The following TRIM49 variants were observed in gnomAD, a reference collection of about 807,000 sequenced individuals.
TRIM49 encodes the protein tripartite motif-containing protein 49.
Under a neutral mutation model 27.4 loss-of-function variants are expected in TRIM49, and 5 were observed. The ratio of observed to expected loss-of-function variants is 0.18; its 90% CI spans 0.10 to 0.38. The LOEUF is 0.38. TRIM49 is among the 10% of genes least tolerant of loss of function. The probability of loss-of-function intolerance (pLI) is 1.00; values close to 1 mark genes in which losing one functional copy is unlikely to be tolerated. For synonymous variants in TRIM49, 69 were observed against 166.0 expected, an observed-to-expected ratio of 0.42 and a Z score of 4.49; for missense variants, 188 against 487.5, an observed-to-expected ratio of 0.39 and a Z score of 5.79.
At chr11:89,805,395 C>T (rs377524486) in intron 2 of TRIM49, among the ~76,000 whole-genome samples, 9,528 of 127,860 alleles carry the variant, frequency 0.075, 41 homozygotes, top group African/African-American at 0.21. Context: ...GACATGTGAG[C>T]TGGTGAGCTG....
the TRIM49 span, chr11:89,781,983 CGGATCCCCAG>C: frequency 1.3e-6 from 2 of 1,530,548 alleles, no homozygotes; most frequent in South Asian, 2.4e-5. Flanking sequence ...AGTGCTCCCA[CGGATCCCCAG>C]GGAGTGGACA....
the TRIM49 span, chr11:89,777,810 T>G: frequency 4.0e-6 from 2 of 496,640 alleles, no homozygotes; most frequent in Non-Finnish European, 7.0e-6. Flanking sequence ...ATCTGACCGC[T>G]TCACTCTAAC....
the TRIM49 span, among the ~76,000 whole-genome samples, chr11:89,775,691 T>G: frequency 3.0e-5 from 4 of 134,026 alleles, 1 homozygote; most frequent in Non-Finnish European, 6.1e-5. Flanking sequence ...TCATCTGAAT[T>G]GGCAATGGGA....
intron 6 of TRIM49, among the ~76,000 whole-genome samples, chr11:89,800,312 T>C (rs1349093240): frequency 6.6e-6 from 1 of 151,654 alleles, no homozygotes. Context: ...GATATGTATA[T>C]ATGTATAAAA....
chr11:89,783,837 A>G, the TRIM49 span, among the ~76,000 whole-genome samples: 15,524 of 141,092 alleles, frequency 0.11, 607 homozygotes, highest in East Asian at 0.24. Flanking sequence ...TTTCTCTCAC[A>G]TGTTTGTACC....
the TRIM49 span, chr11:89,785,947 T>C: frequency 7.1e-6 from 1 of 140,976 alleles, no homozygotes; most frequent in South Asian, 2.2e-4. Context: ...GCCTCCGGCA[T>C]GGTGCTGCTG....
the TRIM49 span, among the ~76,000 whole-genome samples, chr11:89,777,735 T>A: frequency 2.0e-5 from 3 of 148,988 alleles, no homozygotes; most frequent in Admixed American, 6.6e-5. Context: ...CTTAAAACTC[T>A]CTATTATGTT....
At chr11:89,804,754 T>A (rs1454051523) in intron 2 of TRIM49, among the ~76,000 whole-genome samples, 2 of 151,310 alleles carry the variant, frequency 1.3e-5, no homozygotes, top group East Asian at 1.9e-4. Context: ...TGAACATAGA[T>A]CTGGAAATTG....
chr11:89,768,966 G>A, the TRIM49 span: 1 of 404,216 alleles, frequency 2.5e-6, no homozygotes, highest in African/African-American at 3.0e-5. Context: ...ATCACCTGAG[G>A]TCAGGATTTC....
At chr11:89,784,694 C>A in the TRIM49 span, among the ~76,000 whole-genome samples, 4 of 143,164 alleles carry the variant, frequency 2.8e-5, 1 homozygote, top group African/African-American at 1.1e-4. Context: ...GCAGTCAATG[C>A]CTCATAATGT....
rs200668963 is a variant in TRIM49, at chr11:89,804,417, C to A, written c.53G>T (p.Cys18Phe). Residue 18 changes from cysteine (C) to phenylalanine (F), a missense_variant, in exon 3 of 8, where the codon TGC becomes TTC. Physicochemically the swap from Cys to Phe is radical, Grantham distance 205 (BLOSUM62 -2). Around this residue, in one of 6 missense-constraint regions of TRIM49, gnomAD observed 12 missense variants for 45.4 expected, o/e 0.26. Coordinates refer to ENST00000329758, the MANE Select transcript of TRIM49 (RefSeq NM_020358.2). ...GACCGGGTCTATGAAGTAGTTCATG[C>A]ACAGGGGGCAGATGAGTTCCCCCTG... ...VFQGELICPLCMNYFIDPVTI... is the reference protein window; with the variant it reads ...VFQGELICPLFMNYFIDPVTI... 1 of 1,606,500 alleles carries A rather than the reference C, an allele frequency of 6.2e-7. No individual in the cohort carries two copies. Among genetic ancestry groups the A allele is most frequent in the Non-Finnish European group, 8.5e-7 (1 of 1,178,076 alleles).
At chr11:89,794,525 C>T (rs373752350), downstream of TRIM49, among the ~76,000 whole-genome samples, 3 of 150,430 alleles carry the variant, frequency 2.0e-5, no homozygotes, top group East Asian at 2.0e-4. Context: ...GCATCGGACT[C>T]GTGCCGAAAC....
At chr11:89,790,785 C>G in the TRIM49 span, among the ~76,000 whole-genome samples, 9 of 146,934 alleles carry the variant, frequency 6.1e-5, no homozygotes, top group African/African-American at 2.3e-4. Context: ...TAGATAAAAC[C>G]ACAAAGATGG....
At chr11:89,781,378 TGA>T in the TRIM49 span, among the ~76,000 whole-genome samples, 2 of 65,718 alleles carry the variant, frequency 3.0e-5, no homozygotes, top group Non-Finnish European at 5.7e-5. Context: ...CAGAGTAGAT[TGA>T]ATCAGGGGCT....
At chr11:89,782,498 G>A in the TRIM49 span, 2 of 1,360,498 alleles carry the variant, frequency 1.5e-6, no homozygotes, top group Non-Finnish European at 2.0e-6. Context: ...TTACTTTATG[G>A]TTATAAATGG....
chr11:89,772,441 T>C, the TRIM49 span, among the ~76,000 whole-genome samples: 2 of 129,390 alleles, frequency 1.5e-5, no homozygotes, highest in Non-Finnish European at 3.0e-5. Flanking sequence ...ATTATTCAAA[T>C]AATCTGAGAA....
At chr11:89,793,155 C>G (rs1365596294), downstream of TRIM49, among the ~76,000 whole-genome samples, 9 of 151,230 alleles carry the variant, frequency 6.0e-5, no homozygotes, top group Non-Finnish European at 8.9e-5. Flanking sequence ...AAGAAATGGA[C>G]ACATACACTC....
chr11:89,805,820 C>T (rs1218117086), intron 2 of TRIM49, among the ~76,000 whole-genome samples: 4 of 148,682 alleles, frequency 2.7e-5, no homozygotes, highest in African/African-American at 7.6e-5. Flanking sequence ...AGGTTCAGAG[C>T]GATTCTCCTG....
chr11:89,783,006 T>C, the TRIM49 span, among the ~76,000 whole-genome samples: 32 of 133,970 alleles, frequency 2.4e-4, no homozygotes, highest in African/African-American at 9.1e-4. Flanking sequence ...GAAGTGTGCT[T>C]ATTTTCTTTC....
Sources: allele counts gnomAD v4.1 joint callset (sites outside exome capture counted in the v4.1 genomes callset), GRCh38; gene constraint gnomAD v4.1.1; regional missense constraint gnomAD v4.1.1; transcripts MANE v1.5; gene names NCBI Gene and HGNC (gene_info 2026-07-23, HGNC 2026-07-21).